The following RAB44 variants were observed in gnomAD, a reference collection of about 807,000 sequenced individuals.
RAB44 encodes the protein ras-related protein Rab-44.
RAB44 carries 67 observed loss-of-function variants against 93.3 expected under a neutral mutation model. That is an observed-to-expected ratio of 0.72 (90% CI 0.59 to 0.88). The LOEUF (loss-of-function observed/expected upper bound fraction) is 0.88, where lower values mean the gene tolerates loss of function less well. Among genes scored for constraint, RAB44 ranks in the 40% least tolerant of loss-of-function variants. The probability of loss-of-function intolerance (pLI) is 0.00; values close to 1 mark genes in which losing one functional copy is unlikely to be tolerated. For synonymous variants in RAB44, 427 were observed against 520.3 expected, an observed-to-expected ratio of 0.82 and a Z score of 2.44; for missense variants, 1,064 against 1,261.7, an observed-to-expected ratio of 0.84 and a Z score of 2.37.
chr6:36,699,512 G>C (rs1000041053), intron 1 of RAB44, among the ~76,000 whole-genome samples: 1 of 152,138 alleles, frequency 6.6e-6, no homozygotes, highest in African/African-American at 2.4e-5. Flanking sequence ...GACATTGGGC[G>C]TCACCACAGG....
At position 36,721,621 on chromosome 6, in the gene RAB44, T is replaced by C; in HGVS notation, c.1487T>C (p.Leu496Pro). The C allele has an allele frequency of 8.1e-7, 1 of 1,234,572 alleles. No homozygotes were observed. Among genetic ancestry groups the C allele is most frequent in the East Asian group, 3.2e-5 (1 of 31,696 alleles). The allele number at this position is 1,234,572 out of a possible 1,614,324, so 76.5% of individuals were successfully genotyped here. A position where few individuals can be genotyped will look rare whatever the true frequency, so the allele number is the denominator to read the frequency against. The change falls in exon 9 of 14, where the codon CTC becomes CCC. Residue 496 changes from leucine (L) to proline (P), a missense_variant. Physicochemically the swap from Leu to Pro is moderately conservative, Grantham distance 98. Transcript: ENST00000612677. The stretch of plus-strand genomic sequence containing the variant: ...CTGGTGGCACCTGCATTCAAAGTGC[T>C]CATTCCTTTGGAGGATGGGCCCCCT... ...GSLVAPAFKV[L>P]IPLEDGPPPP...
chr6:36,713,791 G>T, intron 2 of RAB44, 37 bp from the exon 3 acceptor site: 1 of 1,333,286 alleles, frequency 7.5e-7, no homozygotes, highest in South Asian at 1.3e-5. Flanking sequence ...AGCCTTCCCC[G>T]GTGGGAACAC....
chr6:36,715,183 A>G (rs1762885171), intron 3 of RAB44, among the ~76,000 whole-genome samples: 2 of 152,058 alleles, frequency 1.3e-5, no homozygotes, highest in Admixed American at 1.3e-4. Context: ...TGTCATGTAG[A>G]TGCTCAATAC....
rs1463383462 is a variant in RAB44, at chr6:36,721,662, C to T, written c.1528C>T (p.Pro510Ser). 2 of 1,234,352 alleles carry T rather than the reference C, an allele frequency of 1.6e-6. No homozygotes were observed. Among genetic ancestry groups the T allele is most frequent in the African/African-American group, 1.6e-5 (1 of 64,478 alleles). 76.5% of individuals were successfully genotyped at this position (1,234,352 alleles called of 1,614,324 possible). ...TGGGCCCCCTCCCCCTGCGAACTCTCCCCCTCCCCAGGCCCCAGCTGGGTC... is the reference window on the plus strand; with the variant it reads ...TGGGCCCCCTCCCCCTGCGAACTCTTCCCCTCCCCAGGCCCCAGCTGGGTC... ...EDGPPPPANS[P>S]PPQAPAGSSK... Residue 510 changes from proline to serine, a missense_variant, in exon 9 of 14, where the codon CCC becomes TCC. Coordinates refer to ENST00000612677, the MANE Select transcript of RAB44 (RefSeq NM_001257357.2).
chr6:36,729,192 C>T (rs369233778), intron 12 of RAB44, among the ~76,000 whole-genome samples: 17 of 152,176 alleles, frequency 1.1e-4, no homozygotes, highest in African/African-American at 3.9e-4. Flanking sequence ...TAACGTGCTG[C>T]CTTCTAAGTT....
intron 1 of RAB44, among the ~76,000 whole-genome samples, chr6:36,698,886 G>A (rs1258500149): frequency 1.3e-5 from 2 of 152,188 alleles, no homozygotes; most frequent in African/African-American, 4.8e-5. Flanking sequence ...ACGTTTGCAC[G>A]TGTACATTTG....
At chr6:36,720,645 A>C in intron 8 of RAB44, 95 bp downstream of exon 8, 1 of 948,700 alleles carries the variant, frequency 1.1e-6, no homozygotes, top group Non-Finnish European at 1.4e-6. Context: ...GCTAGCACAC[A>C]GTGCACACAT....
chr6:36,731,965 G>A lies in RAB44; in HGVS notation c.2976-38G>A, dbSNP rs533168758. On this transcript the variant is annotated intron_variant, in intron 13 of 13. Transcript: ENST00000612677. This position sits in a 1 kb window ranked among gnomAD's most constrained non-coding sequence, Gnocchi z 4.0. ...GGGCCCATCCGTGCTGCCCGTAGGA[G>A]GTGAGAGAGAGGCCTGATGCCTGGC... The A allele has an allele frequency of 1.3e-5, 16 of 1,214,818 alleles. No homozygotes were observed. In the East Asian group the frequency reaches 3.2e-4, roughly 24 times the overall value. 75.3% of individuals were successfully genotyped at this position (1,214,818 alleles called of 1,614,324 possible). A position where few individuals can be genotyped will look rare whatever the true frequency, so the allele number is the denominator to read the frequency against.
At chr6:36,705,922 T>C (rs1582612644) in intron 2 of RAB44, among the ~76,000 whole-genome samples, 1 of 151,370 alleles carries the variant, frequency 6.6e-6, no homozygotes, top group Admixed American at 6.6e-5. Context: ...TTTTAAGAGA[T>C]AGGATCTCAC....
intron 12 of RAB44, 30 bp from the exon 13 acceptor site, chr6:36,730,643 C>T (rs1037165738): frequency 5.7e-6 from 7 of 1,218,604 alleles, no homozygotes; most frequent in Non-Finnish European, 7.2e-6. Context: ...TCTCCCAAGG[C>T]ACATATGTCC....
chr6:36,706,019 G>T (rs1383841681), intron 2 of RAB44, among the ~76,000 whole-genome samples: 7 of 151,670 alleles, frequency 4.6e-5, no homozygotes, highest in African/African-American at 9.7e-5. Context: ...CTCACCTCAG[G>T]CTCCCAAGTA....
intron 11 of RAB44, among the ~76,000 whole-genome samples, chr6:36,728,231 G>A (rs1339993387): frequency 6.6e-6 from 1 of 152,150 alleles, no homozygotes; most frequent in African/African-American, 2.4e-5. Context: ...CCACCCACCC[G>A]AACTCTGTGA....
chr6:36,729,643 C>T (rs755983324), intron 12 of RAB44, among the ~76,000 whole-genome samples: 4 of 152,036 alleles, frequency 2.6e-5, no homozygotes, highest in African/African-American at 4.8e-5. Context: ...CCACCACGCC[C>T]GGCTAATTTT....
chr6:36,700,554 C>G (rs1562049480), intron 1 of RAB44, among the ~76,000 whole-genome samples: 2 of 152,186 alleles, frequency 1.3e-5, no homozygotes, highest in South Asian at 4.1e-4. Flanking sequence ...ATCCTCCCAT[C>G]TCAGCCTCCC....
At chr6:36,709,110 ATT>A (rs199524040) in intron 2 of RAB44, among the ~76,000 whole-genome samples, 1 of 150,124 alleles carries the variant, frequency 6.7e-6, no homozygotes, top group African/African-American at 2.4e-5. Flanking sequence ...ACCTCTGGCT[ATT>A]TTTTTTTATT....
At chr6:36,710,586 C>T (rs1014340743) in intron 2 of RAB44, among the ~76,000 whole-genome samples, 7 of 149,152 alleles carry the variant, frequency 4.7e-5, no homozygotes, top group Non-Finnish European at 8.9e-5. Context: ...CTCACTCTGT[C>T]GTCCAGGCTG....
intron 10 of RAB44, 113 bp from the exon 11 acceptor site, chr6:36,727,464 A>G (rs528626972): frequency 2.5e-5 from 17 of 680,950 alleles, no homozygotes; most frequent in African/African-American, 1.8e-4. Context: ...AAGCATACGG[A>G]CATGCTCTGT....
chr6:36,710,415 T>C (rs1305777312), intron 2 of RAB44, among the ~76,000 whole-genome samples: 1 of 152,248 alleles, frequency 6.6e-6, no homozygotes, highest in Non-Finnish European at 1.5e-5. Flanking sequence ...CCGTTGTACA[T>C]ATACGTCACA....
chr6:36,716,353 C>G (rs1250300767), intron 4 of RAB44, among the ~76,000 whole-genome samples: 1 of 151,974 alleles, frequency 6.6e-6, no homozygotes, highest in Non-Finnish European at 1.5e-5. Flanking sequence ...GCCTGTAATC[C>G]CAGCTACTCA....
Sources: allele counts gnomAD v4.1 joint callset (sites outside exome capture counted in the v4.1 genomes callset), GRCh38; gene constraint gnomAD v4.1.1; non-coding constraint Gnocchi (gnomAD v3.1); transcripts MANE v1.5; gene names NCBI Gene and HGNC (gene_info 2026-07-23, HGNC 2026-07-21).